Variants in AGBL4 observed in about 807,000 individuals in gnomAD.
AGBL4 encodes cytosolic carboxypeptidase 6.
Under a neutral mutation model 66.4 loss-of-function variants are expected in AGBL4, and 58 were observed. The observed-to-expected ratio is 0.87, with a 90% CI of 0.71 to 1.09. AGBL4 has a LOEUF of 1.09. Ranked by LOEUF, AGBL4 falls within the 50% of genes least tolerant of loss-of-function variation. AGBL4 has a pLI of 0.00. For missense variants in AGBL4, 579 were observed against 631.0 expected (o/e 0.92, Z 0.88); for synonymous variants, 234 against 222.9 (o/e 1.05, Z -0.44).
chr1:49,842,244 T>C, intron 2 of AGBL4: 1 of 441,466 alleles, frequency 2.3e-6, no homozygotes, highest in Non-Finnish European at 4.4e-6. Context: ...CAGAGGGCCC[T>C]GTACTATGAT....
chr1:49,671,096 C>A (rs1488824054), intron 3 of AGBL4, among the ~76,000 whole-genome samples: 2 of 152,074 alleles, frequency 1.3e-5, no homozygotes, highest in African/African-American at 4.8e-5. Context: ...TACTACAAAG[C>A]TACAGTAGCC....
chr1:48,962,756 T>G (rs552014637), intron 5 of AGBL4, among the ~76,000 whole-genome samples: 14 of 152,314 alleles, frequency 9.2e-5, no homozygotes, highest in Non-Finnish European at 1.6e-4. Flanking sequence ...CAGTAACTTA[T>G]GAGTAAGCCA....
intron 6 of AGBL4, among the ~76,000 whole-genome samples, chr1:48,756,792 T>C (rs940164977): frequency 7.9e-5 from 12 of 152,234 alleles, no homozygotes; most frequent in Non-Finnish European, 4.4e-5. Context: ...TTTTCCAGGA[T>C]GCCTGTAGCC....
intron 6 of AGBL4, among the ~76,000 whole-genome samples, chr1:48,797,589 G>A (rs574462387): frequency 6.6e-6 from 1 of 152,192 alleles, no homozygotes; most frequent in East Asian, 1.9e-4. Context: ...CATAGTGCAT[G>A]TATATACCAC....
chr1:49,251,033 C>A (rs1202275609), intron 3 of AGBL4, among the ~76,000 whole-genome samples: 2 of 152,134 alleles, frequency 1.3e-5, no homozygotes, highest in African/African-American at 4.8e-5. Flanking sequence ...GCAGGACAGT[C>A]TTCCATATCA....
intron 3 of AGBL4, among the ~76,000 whole-genome samples, chr1:49,580,077 T>TC (rs1558071800): frequency 6.6e-6 from 1 of 152,134 alleles, no homozygotes; most frequent in African/African-American, 2.4e-5. Context: ...TTCTTTGTCT[T>TC]TTTTTTAACT....
At chr1:49,361,262 T>C (rs1644129331) in intron 3 of AGBL4, among the ~76,000 whole-genome samples, 1 of 152,246 alleles carries the variant, frequency 6.6e-6, no homozygotes, top group Admixed American at 6.5e-5. Context: ...ACAGCCATCA[T>C]CATTCCTAAC....
rs913229461 is a variant in AGBL4, at chr1:49,132,326, GA to G, written c.378-86527del. Among the ~76,000 whole-genome samples, 45 of 152,076 alleles carry G rather than the reference GA, an allele frequency of 3.0e-4. 1 individual carries two copies. The highest frequency in any genetic ancestry group is 1.0e-3 in the African/African-American group (43 of 41,508). On this transcript the variant is annotated intron_variant, in intron 4 of 13. Coordinates refer to ENST00000371839, the MANE Select transcript of AGBL4 (RefSeq NM_032785.4). The stretch of plus-strand genomic sequence containing the variant: ...AGAGTTAGTGAAAAATAGAAAATAA[GA>G]AAAGGAGCATGTAGAAAGGAAAAAA...
chr1:49,115,278 C>A (rs541464160), intron 4 of AGBL4, among the ~76,000 whole-genome samples: 1 of 152,200 alleles, frequency 6.6e-6, no homozygotes, highest in African/African-American at 2.4e-5. Flanking sequence ...CACAAAATAT[C>A]AATACAAAGG....
Position 49,697,404 on chromosome 1 carries a change from AACT to A in AGBL4, c.188_190del (p.Glu63_Phe64delinsVal). The A allele has an allele frequency of 6.5e-7, 1 of 1,535,406 alleles. No homozygotes were observed. The highest frequency in any genetic ancestry group is 8.8e-7 in the Non-Finnish European group (1 of 1,134,328). On this transcript the variant is annotated inframe_deletion, in exon 3 of 14. Transcript: ENST00000371839. ...CGGCCTAATGAACAGATCATACTCA[AACT>A]CAGAGACCTGGTCCACCCGGCCCAG... is the stretch of plus-strand genomic sequence containing the variant.
chr1:48,582,676 G>A (rs1433231851), intron 11 of AGBL4, among the ~76,000 whole-genome samples: 1 of 152,168 alleles, frequency 6.6e-6, no homozygotes, highest in Non-Finnish European at 1.5e-5. Context: ...CAGATATAGT[G>A]CCTTATTTCA....
At chr1:49,323,597 C>T (rs975754832) in intron 3 of AGBL4, among the ~76,000 whole-genome samples, 1 of 151,834 alleles carries the variant, frequency 6.6e-6, no homozygotes, top group Non-Finnish European at 1.5e-5. Flanking sequence ...TTTAAGTCTT[C>T]ATGACTTTTC....
intron 3 of AGBL4, among the ~76,000 whole-genome samples, chr1:49,365,404 TC>T (rs1275043497): frequency 1.3e-5 from 2 of 151,686 alleles, no homozygotes; most frequent in Non-Finnish European, 2.9e-5. Context: ...TTTTATGGAG[TC>T]AATGAGAAAA....
intron 4 of AGBL4, among the ~76,000 whole-genome samples, chr1:49,125,492 G>A (rs781506589): frequency 1.5e-4 from 23 of 152,070 alleles, no homozygotes; most frequent in Non-Finnish European, 2.8e-4. Context: ...AACTAGGGCT[G>A]TGCTCATCAA....
intron 1 of AGBL4, among the ~76,000 whole-genome samples, chr1:49,925,694 G>A (rs568832894): frequency 1.3e-5 from 2 of 152,306 alleles, no homozygotes; most frequent in South Asian, 4.1e-4. Flanking sequence ...CCACAAGCTG[G>A]CTGAAGAGCC....
At chr1:48,868,159 T>G (rs1570878036) in intron 5 of AGBL4, among the ~76,000 whole-genome samples, 2 of 152,236 alleles carry the variant, frequency 1.3e-5, no homozygotes, top group African/African-American at 4.8e-5. Context: ...TCTGTTTTCT[T>G]AAAAGAGGTC....
chr1:49,299,772 G>T (rs1644709765), intron 3 of AGBL4, among the ~76,000 whole-genome samples: 1 of 151,996 alleles, frequency 6.6e-6, no homozygotes, highest in South Asian at 2.1e-4. Context: ...GTAATCTAGA[G>T]GTTTTCTGTA....
intron 6 of AGBL4, among the ~76,000 whole-genome samples, chr1:48,795,429 C>A (rs1315864511): frequency 2.6e-5 from 4 of 151,542 alleles, no homozygotes; most frequent in Non-Finnish European, 5.9e-5. Flanking sequence ...TTTCCTTTTT[C>A]TTTTTTCTTT....
chr1:49,505,548 ATCCTACTCTTT>A (rs1648603273), intron 3 of AGBL4, among the ~76,000 whole-genome samples: 1 of 151,766 alleles, frequency 6.6e-6, no homozygotes, highest in Non-Finnish European at 1.5e-5. Context: ...TGAATATATC[ATCCTACTCTTT>A]TCTGGTATGT....
Sources: allele counts gnomAD v4.1 joint callset (sites outside exome capture counted in the v4.1 genomes callset), GRCh38; gene constraint gnomAD v4.1.1; transcripts MANE v1.5; gene names NCBI Gene and HGNC (gene_info 2026-07-23, HGNC 2026-07-21).